ADAMTSL3: variants seen among roughly 807,000 people sequenced by gnomAD.
The protein encoded by ADAMTSL3 is ADAMTS like 3, also known as ADAMTS-like protein 3.
ADAMTSL3 carries 128 observed loss-of-function variants against 201.7 expected under a neutral mutation model. The observed-to-expected ratio is 0.63, with a 90% CI of 0.55 to 0.73. ADAMTSL3 has a LOEUF of 0.73. Among genes scored for constraint, ADAMTSL3 ranks in the 30% least tolerant of loss-of-function variants. ADAMTSL3 has a pLI of 0.00. For missense variants in ADAMTSL3, 1,990 were observed against 2,119.6 expected (o/e 0.94, Z 1.20); for synonymous variants, 738 against 748.4 (o/e 0.99, Z 0.23).
At chr15:83,803,376 TC>T (rs2063553331) in intron 4 of ADAMTSL3, among the ~76,000 whole-genome samples, 1 of 152,128 alleles carries the variant, frequency 6.6e-6, no homozygotes, top group South Asian at 2.1e-4. Context: ...AAAAATGACC[TC>T]CTATCCACTT....
At chr15:83,884,341 T>C (rs868218008) in intron 9 of ADAMTSL3, among the ~76,000 whole-genome samples, 17,058 of 140,424 alleles carry the variant, frequency 0.12, 1,421 homozygotes, top group Middle Eastern at 0.28. Context: ...CTATTTCCTT[T>C]TTTTTTTTTT....
intron 17 of ADAMTSL3, among the ~76,000 whole-genome samples, chr15:83,938,600 A>G (rs975004602): frequency 6.6e-6 from 1 of 152,112 alleles, no homozygotes; most frequent in African/African-American, 2.4e-5. Context: ...TTTGGGTGCA[A>G]GTTTTTTCTC....
At chr15:83,727,892 G>A (rs1010786894) in intron 3 of ADAMTSL3, among the ~76,000 whole-genome samples, 5 of 152,020 alleles carry the variant, frequency 3.3e-5, no homozygotes, top group African/African-American at 9.7e-5. Context: ...TTGGTCTATA[G>A]TGCAGATTAA....
At chr15:83,795,113 C>T (rs2063403431) in intron 4 of ADAMTSL3, among the ~76,000 whole-genome samples, 1 of 152,138 alleles carries the variant, frequency 6.6e-6, no homozygotes, top group East Asian at 1.9e-4. Context: ...CTTGTCCTCC[C>T]AAAGTGCTGG....
Position 84,014,723 on chromosome 15 carries a change from G to T in ADAMTSL3, c.4155G>T (p.Leu1385=). 6.2e-7 allele frequency: 1 copy of T among 1,608,058 alleles called. No individual in the cohort carries two copies. The highest frequency in any genetic ancestry group is 1.1e-5 in the South Asian group (1 of 89,766). ...KAVATSVLHL[L]ERRWPESRIV... is the part of the protein sequence containing the mutation. ...TGGCAACATCTGTACTCCACTTGCT[G>T]GGTAAGTGTCAAATTCTTATTGCTC... Residue 1385 remains leucine (L), a splice_region_variant and synonymous_variant, in exon 24 of 30, where the codon CTG becomes CTT. Coordinates refer to ENST00000286744, the MANE Select transcript of ADAMTSL3 (RefSeq NM_207517.3).
chr15:83,979,197 G>T (rs1447981780), intron 20 of ADAMTSL3, among the ~76,000 whole-genome samples: 1 of 152,124 alleles, frequency 6.6e-6, no homozygotes, highest in Non-Finnish European at 1.5e-5. Context: ...CCGATCTGTA[G>T]CAGCCACTGC....
intron 4 of ADAMTSL3, among the ~76,000 whole-genome samples, chr15:83,788,399 C>T (rs2063296464): frequency 6.6e-6 from 1 of 152,100 alleles, no homozygotes; most frequent in Admixed American, 6.6e-5. Flanking sequence ...CCTTTTTCCT[C>T]CTCATTTTTA....
chr15:83,946,158 C>A (rs1164445614), intron 19 of ADAMTSL3, among the ~76,000 whole-genome samples: 1 of 152,240 alleles, frequency 6.6e-6, no homozygotes, highest in Non-Finnish European at 1.5e-5. Context: ...TAAGAACAAA[C>A]AGGCCTTCAC....
chr15:83,826,303 T>G (rs561960814), intron 6 of ADAMTSL3, among the ~76,000 whole-genome samples: 40 of 152,128 alleles, frequency 2.6e-4, no homozygotes, highest in Non-Finnish European at 4.4e-4. Flanking sequence ...TTACATTTTT[T>G]GTAGAGATCA....
At position 83,731,086 on chromosome 15, in the gene ADAMTSL3, T is replaced by C. The variant is rs908172815; in HGVS notation, c.189+26578T>C. On this transcript the variant is annotated intron_variant, in intron 3 of 29. Coordinates refer to ENST00000286744, the MANE Select transcript of ADAMTSL3 (RefSeq NM_207517.3). Reference sequence around the variant, plus strand: ...TTGTTGAAAATTAGTTGACCATATATGTGTGGGTTTATTTATGGACTCACT... The same window carrying C: ...TTGTTGAAAATTAGTTGACCATATACGTGTGGGTTTATTTATGGACTCACT... Among the ~76,000 whole-genome samples, 11 of 152,240 alleles carry C rather than the reference T, an allele frequency of 7.2e-5. No homozygotes were observed. The East Asian group carries it at 2.1e-3, about 29-fold the overall frequency.
intron 16 of ADAMTSL3, among the ~76,000 whole-genome samples, chr15:83,921,123 G>A (rs1418057648): frequency 6.6e-6 from 1 of 152,178 alleles, no homozygotes; most frequent in African/African-American, 2.4e-5. Flanking sequence ...CACAAATAAT[G>A]TGTAATCTAT....
intron 2 of ADAMTSL3, among the ~76,000 whole-genome samples, chr15:83,671,724 A>G (rs940026340): frequency 6.6e-6 from 1 of 152,126 alleles, no homozygotes; most frequent in Non-Finnish European, 1.5e-5. Flanking sequence ...TTGCACTCCC[A>G]TACTAATTCC....
chr15:83,657,968 G>A (rs550546897), intron 2 of ADAMTSL3, among the ~76,000 whole-genome samples: 2 of 152,318 alleles, frequency 1.3e-5, no homozygotes, highest in East Asian at 3.9e-4. Flanking sequence ...GTGTTTGGGT[G>A]GGGCTTAAGG....
At chr15:84,021,857 C>T (rs141404024) in intron 26 of ADAMTSL3, among the ~76,000 whole-genome samples, 2 of 152,156 alleles carry the variant, frequency 1.3e-5, no homozygotes, top group East Asian at 3.9e-4. Context: ...ATTTTAGAGC[C>T]CCTGCTCTCA....
At chr15:83,952,394 A>C (rs140963446) in intron 19 of ADAMTSL3, among the ~76,000 whole-genome samples, 1 of 152,288 alleles carries the variant, frequency 6.6e-6, no homozygotes, top group African/African-American at 2.4e-5. Context: ...TTTTGAGAAT[A>C]ATCCATGTGC....
chr15:83,832,424 A>T (rs2064174631), intron 6 of ADAMTSL3, among the ~76,000 whole-genome samples: 1 of 152,176 alleles, frequency 6.6e-6, no homozygotes, highest in Admixed American at 6.5e-5. Context: ...TGAGTAAGCC[A>T]GTTCTTTGGG....
chr15:83,837,127 G>A (rs56285320), intron 6 of ADAMTSL3, among the ~76,000 whole-genome samples: 18,019 of 151,836 alleles, frequency 0.12, 1,226 homozygotes, highest in South Asian at 0.24. Context: ...GTATAAACAC[G>A]TATTTTATAT....
At chr15:83,984,192 T>C (rs1176161988) in intron 21 of ADAMTSL3, among the ~76,000 whole-genome samples, 1 of 152,206 alleles carries the variant, frequency 6.6e-6, no homozygotes, top group South Asian at 2.1e-4. Flanking sequence ...TTGATTCACA[T>C]GTAAGAGCTC....
intron 17 of ADAMTSL3, among the ~76,000 whole-genome samples, chr15:83,939,000 T>A (rs939468059): frequency 4.6e-5 from 7 of 152,250 alleles, no homozygotes; most frequent in Admixed American, 3.9e-4. Flanking sequence ...CATGAATATC[T>A]GTTAACATTT....
Sources: allele counts gnomAD v4.1 joint callset (sites outside exome capture counted in the v4.1 genomes callset), GRCh38; gene constraint gnomAD v4.1.1; transcripts MANE v1.5; gene names NCBI Gene and HGNC (gene_info 2026-07-23, HGNC 2026-07-21).